Variants in ZFAND3 observed in about 807,000 individuals in gnomAD.
ZFAND3 encodes AN1-type zinc finger protein 3.
Under a neutral mutation model 29.6 loss-of-function variants are expected in ZFAND3, and 10 were observed. The ratio of observed to expected loss-of-function variants is 0.34; its 90% CI spans 0.21 to 0.57. The LOEUF (loss-of-function observed/expected upper bound fraction) is 0.57. ZFAND3 is among the 20% of genes least tolerant of loss of function. The pLI, the probability that ZFAND3 is intolerant of heterozygous loss-of-function variation, is 0.86. For missense variants in ZFAND3, 230 were observed against 304.5 expected (o/e 0.76, Z 1.82); for synonymous variants, 128 against 112.6 (o/e 1.14, Z -0.87).
chr6:37,893,931 C>T (rs34871463), intron 1 of ZFAND3, among the ~76,000 whole-genome samples: 45,389 of 151,940 alleles, frequency 0.3, 7,485 homozygotes, highest in Non-Finnish European at 0.38. Context: ...TTATAAAACC[C>T]GTACTACACT....
At chr6:38,116,088 G>A (rs542434546) in intron 4 of ZFAND3, among the ~76,000 whole-genome samples, 1 of 152,302 alleles carries the variant, frequency 6.6e-6, no homozygotes, top group African/African-American at 2.4e-5. Context: ...TCAAACGCTG[G>A]CTTTGGGAAT....
At chr6:37,916,760 T>A (rs1761261990) in intron 1 of ZFAND3, among the ~76,000 whole-genome samples, 1 of 152,232 alleles carries the variant, frequency 6.6e-6, no homozygotes, top group African/African-American at 2.4e-5. Flanking sequence ...TCAACCATGT[T>A]GTGAAAGTAT....
intron 4 of ZFAND3, among the ~76,000 whole-genome samples, chr6:38,103,530 TATAC>T (rs1765149858): frequency 6.7e-6 from 1 of 148,982 alleles, no homozygotes; most frequent in Non-Finnish European, 1.5e-5. Flanking sequence ...TACACATATA[TATAC>T]ACACACACAT....
intron 1 of ZFAND3, among the ~76,000 whole-genome samples, chr6:37,846,317 G>T (rs919812907): frequency 6.6e-6 from 1 of 152,230 alleles, no homozygotes; most frequent in Non-Finnish European, 1.5e-5. Context: ...ATTAAAAAGT[G>T]TGGAAAATTG....
At chr6:38,033,125 A>G (rs1472535501) in intron 2 of ZFAND3, among the ~76,000 whole-genome samples, 1 of 152,190 alleles carries the variant, frequency 6.6e-6, no homozygotes, top group Non-Finnish European at 1.5e-5. Context: ...GCTGCAAGTA[A>G]ACTCTTATCC....
intron 1 of ZFAND3, among the ~76,000 whole-genome samples, chr6:37,841,656 T>C (rs1004528172): frequency 2.6e-5 from 4 of 152,148 alleles, no homozygotes; most frequent in Non-Finnish European, 4.4e-5. Flanking sequence ...CTAATTTTTT[T>C]GTATTTTTAT....
At chr6:37,828,954 T>C (rs77240185) in intron 1 of ZFAND3, among the ~76,000 whole-genome samples, 10,238 of 152,178 alleles carry the variant, frequency 0.067, 413 homozygotes, top group Non-Finnish European at 0.085. Context: ...CCGGCCTGGA[T>C]GGTATTATTC....
chr6:37,820,017 G>C lies in ZFAND3; in HGVS notation c.71+1G>C. 1 of 1,124,944 alleles carries C rather than the reference G, an allele frequency of 8.9e-7. No individual in the cohort carries two copies. Among genetic ancestry groups the C allele is most frequent in the Non-Finnish European group, 1.1e-6 (1 of 895,658 alleles). 69.7% of individuals were successfully genotyped at this position (1,124,944 alleles called of 1,614,324 possible). ...CTCGCTGTCCCTGCGGCTTCTGGGG[G>C]TAAGTGCCCGGCCGGGTGGGGGCGG... On this transcript the variant is annotated splice_donor_variant, in intron 1 of 5. Coordinates refer to ENST00000287218, the MANE Select transcript of ZFAND3 (RefSeq NM_021943.3). LOFTEE classifies it high-confidence loss of function.
At chr6:38,046,699 T>C (rs12206687) in intron 2 of ZFAND3, among the ~76,000 whole-genome samples, 31,135 of 152,198 alleles carry the variant, frequency 0.2, 3,784 homozygotes, top group Admixed American at 0.33. Flanking sequence ...AAAACCAACA[T>C]GTCGTGGTCC....
intron 1 of ZFAND3, among the ~76,000 whole-genome samples, chr6:37,845,968 T>A (rs1224329481): frequency 6.6e-6 from 1 of 152,232 alleles, no homozygotes; most frequent in Non-Finnish European, 1.5e-5. Flanking sequence ...TGCACTGCCC[T>A]GCATCCTGGA....
chr6:37,907,586 T>C (rs910046899), intron 1 of ZFAND3, among the ~76,000 whole-genome samples: 2 of 152,210 alleles, frequency 1.3e-5, no homozygotes, highest in African/African-American at 4.8e-5. Context: ...TGAGTAGTAT[T>C]TCATTCTGTG....
At chr6:37,852,516 T>C (rs578126163) in intron 1 of ZFAND3, among the ~76,000 whole-genome samples, 1 of 152,274 alleles carries the variant, frequency 6.6e-6, no homozygotes, top group South Asian at 2.1e-4. Flanking sequence ...GTGGTGTCTC[T>C]ATCACCTCAT....
chr6:38,004,123 T>A (rs1763000350), intron 2 of ZFAND3, among the ~76,000 whole-genome samples: 1 of 152,158 alleles, frequency 6.6e-6, no homozygotes, highest in Non-Finnish European at 1.5e-5. Context: ...TCCTGTATTT[T>A]AAAAATTTGG....
chr6:38,139,406 A>T (rs901027482), intron 5 of ZFAND3, among the ~76,000 whole-genome samples: 4 of 152,192 alleles, frequency 2.6e-5, no homozygotes, highest in Non-Finnish European at 4.4e-5. Flanking sequence ...AAATGACGCT[A>T]AATTAAAATT....
At chr6:37,863,138 A>C (rs1422152399) in intron 1 of ZFAND3, among the ~76,000 whole-genome samples, 1 of 152,204 alleles carries the variant, frequency 6.6e-6, no homozygotes, top group Non-Finnish European at 1.5e-5. Flanking sequence ...ACTGAACTCC[A>C]ATAGGAGAAT....
At chr6:38,132,419 A>C (rs906062753) in intron 5 of ZFAND3, among the ~76,000 whole-genome samples, 1 of 152,202 alleles carries the variant, frequency 6.6e-6, no homozygotes. Context: ...AGGGAGAGGA[A>C]TTGCTTGAGC....
chr6:37,864,413 T>G (rs1366282555), intron 1 of ZFAND3, among the ~76,000 whole-genome samples: 1 of 152,212 alleles, frequency 6.6e-6, no homozygotes. Context: ...GTAGACAATT[T>G]CCCTTTATCT....
At chr6:37,899,030 G>C (rs545571821) in intron 1 of ZFAND3, among the ~76,000 whole-genome samples, 8 of 152,134 alleles carry the variant, frequency 5.3e-5, no homozygotes, top group Non-Finnish European at 8.8e-5. Flanking sequence ...CAAGTAGCCG[G>C]TACTACAGGC....
At chr6:37,887,961 A>G (rs188588942) in intron 1 of ZFAND3, among the ~76,000 whole-genome samples, 1 of 152,308 alleles carries the variant, frequency 6.6e-6, no homozygotes, top group Non-Finnish European at 1.5e-5. Flanking sequence ...GTATGTTCTC[A>G]TCTATCCGTC....
Sources: allele counts gnomAD v4.1 joint callset (sites outside exome capture counted in the v4.1 genomes callset), GRCh38; gene constraint gnomAD v4.1.1; transcripts MANE v1.5; gene names NCBI Gene and HGNC (gene_info 2026-07-23, HGNC 2026-07-21).